The following DST variants were observed in gnomAD, a reference collection of about 807,000 sequenced individuals.
DST encodes bullous pemphigoid antigen.
DST carries 253 observed loss-of-function variants against 875.2 expected under a neutral mutation model. The ratio of observed to expected loss-of-function variants is 0.29; its 90% CI spans 0.26 to 0.32. The LOEUF (loss-of-function observed/expected upper bound fraction) is 0.32. Ranked by LOEUF, DST falls within the 10% of genes least tolerant of loss-of-function variation. The probability of loss-of-function intolerance (pLI) is 1.00; values close to 1 mark genes in which losing one functional copy is unlikely to be tolerated. For missense variants in DST, 8,287 were observed against 9,111.6 expected, an observed-to-expected ratio of 0.91 and a Z score of 3.68; for synonymous variants, 3,124 against 3,197.1, an observed-to-expected ratio of 0.98 and a Z score of 0.77.
Position 56,608,571 on chromosome 6 carries a change from G to C in DST, c.6057C>G (p.Asp2019Glu), listed in dbSNP as rs764824226. 7.4e-6 allele frequency: 12 copies of C among 1,613,252 alleles called. No individual in the cohort carries two copies. The highest frequency in any genetic ancestry group is 1.0e-5 in the Non-Finnish European group (12 of 1,179,716). The part of the protein sequence containing the change: ...EAVREGVIDR[D>E]TASSILTYQV... ...GATATGTGAGGATACTGCTAGCAGT[G>C]TCCCTGTCAATCACCCCTTCTCTGA... Residue 2019 changes from aspartate (D) to glutamate (E), a missense_variant, in exon 40 of 104, where the codon GAC (aspartate) becomes GAG (glutamate). This residue lies in a region of DST where 3,138 missense variants were observed against 3,116.6 expected (regional missense o/e 1.01). Transcript: ENST00000680361.
intron 80 of DST, among the ~76,000 whole-genome samples, chr6:56,498,719 T>C (rs982800985): frequency 6.6e-6 from 1 of 152,178 alleles, no homozygotes; most frequent in African/African-American, 2.4e-5. Context: ...ATCAGCATTC[T>C]GAAAGAGAAA....
intron 9 of DST, among the ~76,000 whole-genome samples, chr6:56,677,727 C>T (rs761091460): frequency 6.6e-6 from 1 of 152,200 alleles, no homozygotes; most frequent in Non-Finnish European, 1.5e-5. Context: ...AAACTTGAAG[C>T]CTTCATGCCT....
At chr6:56,817,320 A>G (rs1013966385) in intron 4 of DST, among the ~76,000 whole-genome samples, 10 of 152,308 alleles carry the variant, frequency 6.6e-5, no homozygotes, top group African/African-American at 2.4e-4. Flanking sequence ...GACTTAAATC[A>G]ACTAAGAAAA....
At chr6:56,827,803 T>C (rs541877756) in intron 4 of DST, among the ~76,000 whole-genome samples, 1 of 152,284 alleles carries the variant, frequency 6.6e-6, no homozygotes, top group African/African-American at 2.4e-5. Context: ...AAAATATATG[T>C]GTGGAGACCC....
rs371423565 is a variant in DST at position 56,694,311 on chromosome 6, G to A, written c.1047+5342C>T. 2.6e-4 allele frequency among the ~76,000 whole-genome samples: 39 copies of A among 151,724 alleles called. No homozygotes were observed. The East Asian group carries it at 3.7e-3, about 14-fold the overall frequency. On this transcript the variant is annotated intron_variant, in intron 9 of 103. Transcript: ENST00000680361. The stretch of plus-strand genomic sequence containing the variant: ...AAAATTAATAATTGCCTTTCACTAG[G>A]TAGTCTTTAGACTGATCAAAAGATG...
rs1486924452 is a variant in DST, at chr6:56,639,992, A to T, written c.2556T>A (p.His852Gln). ...LPSVESHLEN[H>Q]KNVHRAIEEF... The stretch of plus-strand genomic sequence containing the variant: ...CTTCAATAGCTCTATGAACATTTTT[A>T]TGATTTTCTAAATGGCTTTCAACAC... Residue 852 changes from histidine (H) to glutamine (Q), a missense_variant, in exon 19 of 104, where the codon CAT becomes CAA. By Grantham distance (24) the His-to-Gln change is conservative (BLOSUM62 0). Around this residue, in one of 10 missense-constraint regions of DST, gnomAD observed 1,160 missense variants for 1,424.3 expected, o/e 0.81. Coordinates refer to ENST00000680361, the MANE Select transcript of DST (RefSeq NM_001374736.1). 2 of 1,613,952 alleles carry T rather than the reference A, an allele frequency of 1.2e-6. No individual in the cohort carries two copies.
chr6:56,900,367 C>T, intron 3 of DST, 54 bp downstream of exon 3: 1 of 1,280,994 alleles, frequency 7.8e-7, no homozygotes, highest in Non-Finnish European at 1.0e-6. Flanking sequence ...AAAGAACAAC[C>T]ACATGATTTG....
At chr6:56,783,346 T>C (rs1310197702) in intron 4 of DST, among the ~76,000 whole-genome samples, 1 of 152,154 alleles carries the variant, frequency 6.6e-6, no homozygotes, top group African/African-American at 2.4e-5. Flanking sequence ...CCATTATTAT[T>C]GTGTGGGAGT....
intron 10 of DST, among the ~76,000 whole-genome samples, chr6:56,670,133 C>CGTGTGTGT (rs70989723): frequency 0.011 from 1,649 of 146,284 alleles, 33 homozygotes; most frequent in African/African-American, 0.036. Context: ...AGCGCCCGTG[C>CGTGTGTGT]GTGTGTGTGT....
At chr6:56,480,051 C>T (rs2095348820) in intron 90 of DST, among the ~76,000 whole-genome samples, 1 of 152,144 alleles carries the variant, frequency 6.6e-6, no homozygotes, top group Non-Finnish European at 1.5e-5. Flanking sequence ...GTTCGGTCCA[C>T]AAGATTAAAA....
At chr6:56,920,431 T>C (rs1213942086) in intron 2 of DST, among the ~76,000 whole-genome samples, 2 of 152,308 alleles carry the variant, frequency 1.3e-5, no homozygotes, top group African/African-American at 4.8e-5. Flanking sequence ...GGCTGGGAAA[T>C]GAAGTCTCTA....
chr6:56,477,210 G>T, intron 91 of DST, 135 bp downstream of exon 91: 1 of 945,920 alleles, frequency 1.1e-6, no homozygotes, highest in Non-Finnish European at 1.5e-6. Flanking sequence ...TACAAGAAGC[G>T]TATTTAAAAG....
In DST at chr6:56,527,543, T is replaced by A. The variant is rs750150758; in HGVS notation, c.17872A>T (p.Thr5958Ser). 5 of 1,613,756 alleles carry A rather than the reference T, an allele frequency of 3.1e-6. No individual in the cohort carries two copies. In the South Asian group the frequency reaches 5.5e-5, roughly 18 times the overall value. ...KVEVELLSYE[T>S]QVLKGEEASQ... ...GCTTCTTCTCCTTTCAGAACCTGAG[T>A]TTCATATGAAAGTAATTCCACCTCC... is the stretch of plus-strand genomic sequence containing the variant. The change falls in exon 68 of 104, where the codon ACT becomes TCT. Residue 5958 changes from threonine (T) to serine (S), a missense_variant. Physicochemically the swap from Thr to Ser is moderately conservative, Grantham distance 58 (BLOSUM62 1). This residue lies in a region of DST where 777 missense variants were observed against 764.8 expected (regional missense o/e 1.02). Coordinates refer to ENST00000680361, the MANE Select transcript of DST (RefSeq NM_001374736.1).
intron 99 of DST, 54 bp downstream of exon 99, chr6:56,466,024 A>C: frequency 3.6e-6 from 5 of 1,390,924 alleles, no homozygotes; most frequent in Non-Finnish European, 5.0e-6. Context: ...GGTGCTGGAT[A>C]TAATATAAAA....
Position 56,470,156 on chromosome 6 carries a change from A to G in DST, c.22448T>C (p.Ile7483Thr). 6.2e-7 allele frequency: 1 copy of G among 1,612,842 alleles called. No individual in the cohort carries two copies. Among genetic ancestry groups the G allele is most frequent in the South Asian group, 1.1e-5 (1 of 90,912 alleles). Residue 7483 changes from isoleucine (I) to threonine (T), a missense_variant, in exon 96 of 104, where the codon ATC becomes ACC. Ile to Thr is a moderately conservative substitution (Grantham distance 89). This residue lies in a region of DST where 87 missense variants were observed against 209.7 expected (regional missense o/e 0.41). Coordinates refer to ENST00000680361, the MANE Select transcript of DST (RefSeq NM_001374736.1). ...ATCTTCGATTTTGTCGGCATCTGTG[A>G]TAGGTTTATATGCATCTTTATTTGG... ...LHPNKDAYKPITDADKIEDEV... is the reference protein window; with the variant it reads ...LHPNKDAYKPTTDADKIEDEV...
Position 56,628,013 on chromosome 6 carries a change from A to G in DST, c.4624T>C (p.Leu1542=). 6.2e-7 allele frequency: 1 copy of G among 1,613,820 alleles called. No homozygotes were observed. The highest frequency in any genetic ancestry group is 8.5e-7 in the Non-Finnish European group (1 of 1,179,778). The change falls in exon 33 of 104, where the codon TTG becomes CTG. Residue 1542 remains leucine (L), a synonymous_variant. Transcript: ENST00000680361. ...PENSKTLATQ[L]NQQKMLVSEI... is the part of the protein sequence containing the mutation. ...TTTTTACATACCTTCTGTTGATTCAACTGTGTGGCTAGGGTTTTACTATTT... is the reference window on the plus strand; with the variant it reads ...TTTTTACATACCTTCTGTTGATTCAGCTGTGTGGCTAGGGTTTTACTATTT...
intron 9 of DST, among the ~76,000 whole-genome samples, chr6:56,672,313 G>C (rs1347403348): frequency 1.3e-5 from 2 of 152,096 alleles, no homozygotes; most frequent in Non-Finnish European, 2.9e-5. Context: ...ATGCCCCATG[G>C]AGCTTCACTC....
intron 3 of DST, among the ~76,000 whole-genome samples, chr6:56,887,617 T>A (rs576309972): frequency 1.3e-5 from 2 of 152,326 alleles, no homozygotes; most frequent in East Asian, 3.9e-4. Flanking sequence ...TAAGTTTCCT[T>A]GGTTTGGAGA....
At chr6:56,910,812 C>G (rs982816500) in intron 2 of DST, among the ~76,000 whole-genome samples, 3 of 152,170 alleles carry the variant, frequency 2.0e-5, no homozygotes. Flanking sequence ...TAAACTTTCA[C>G]AGGTTAGTAA....
Sources: gnomAD v4.1 joint callset for allele counts (sites outside exome capture counted in the v4.1 genomes callset) on GRCh38, gnomAD v4.1.1 for gene constraint, gnomAD v4.1.1 regional missense constraint, MANE v1.5 for transcripts, NCBI Gene and HGNC (gene_info 2026-07-23, HGNC 2026-07-21) for gene names.